The following LRCH3 variants were observed in gnomAD, a reference collection of about 807,000 sequenced individuals.
The protein encoded by LRCH3 is DISP complex protein LRCH3.
In LRCH3, 68 loss-of-function variants were observed where a neutral mutation model predicts 104.5. The observed-to-expected ratio is 0.65, with a 90% CI of 0.54 to 0.80. The LOEUF is 0.80. Among genes scored for constraint, LRCH3 ranks in the 30% least tolerant of loss-of-function variants. The pLI, the probability that LRCH3 is intolerant of heterozygous loss-of-function variation, is 0.00. For missense variants in LRCH3, 951 were observed against 953.9 expected (o/e 1.00, Z 0.04); for synonymous variants, 344 against 361.3 (o/e 0.95, Z 0.54).
At chr3:197,797,893 A>AACAAAAAAAAC (rs1731442806) in intron 1 of LRCH3, among the ~76,000 whole-genome samples, 8 of 146,746 alleles carry the variant, frequency 5.5e-5, no homozygotes, top group African/African-American at 2.1e-4. Context: ...CAAAAAAAAA[A>AACAAAAAAAAC]ACAAAACCAG....
At chr3:197,827,344 A>G (rs998963838) in intron 5 of LRCH3, among the ~76,000 whole-genome samples, 8 of 152,252 alleles carry the variant, frequency 5.3e-5, no homozygotes, top group African/African-American at 1.9e-4. Context: ...CAGGTAAACC[A>G]TAGTGGAAGC....
chr3:197,854,348 G>C lies in LRCH3; in HGVS notation c.1591-44G>C. 1 of 1,536,528 alleles carries C rather than the reference G, an allele frequency of 6.5e-7. No individual in the cohort carries two copies. Among genetic ancestry groups the C allele is most frequent in the South Asian group, 1.1e-5 (1 of 89,604 alleles). On this transcript the variant is annotated intron_variant, in intron 13 of 20. Coordinates refer to ENST00000425562, the MANE Select transcript of LRCH3 (RefSeq NM_001365715.1). The surrounding 1 kb of genome is among the most constrained non-coding windows in gnomAD (Gnocchi z 4.5). ...TTCGTGAAATACGTCACACGTGTGC[G>C]TAGTTTGTTTCTGACATGGCTTCAT... is the stretch of plus-strand genomic sequence containing the variant.
At chr3:197,794,688 G>A (rs1239615002) in intron 1 of LRCH3, among the ~76,000 whole-genome samples, 1 of 152,090 alleles carries the variant, frequency 6.6e-6, no homozygotes, top group Non-Finnish European at 1.5e-5. Context: ...GTTTTCTTGG[G>A]ACTTTCTGTG....
intron 1 of LRCH3, among the ~76,000 whole-genome samples, chr3:197,800,726 C>G (rs1174264367): frequency 6.6e-6 from 1 of 152,116 alleles, no homozygotes; most frequent in Non-Finnish European, 1.5e-5. Flanking sequence ...TAAGACTGTC[C>G]ATAGCATTAT....
chr3:197,851,116 C>A (rs1739536581), intron 12 of LRCH3, among the ~76,000 whole-genome samples: 1 of 152,074 alleles, frequency 6.6e-6, no homozygotes, highest in African/African-American at 2.4e-5. Context: ...GGCTCTGAAG[C>A]CTATTCTGTG....
intron 1 of LRCH3, among the ~76,000 whole-genome samples, chr3:197,814,121 CGTG>C (rs2109180322): frequency 6.6e-6 from 1 of 152,244 alleles, no homozygotes; most frequent in South Asian, 2.1e-4. Context: ...TAAAGACAGA[CGTG>C]AAACTGGGAA....
At chr3:197,863,970 T>C (rs570242122) in intron 15 of LRCH3, among the ~76,000 whole-genome samples, 2 of 152,338 alleles carry the variant, frequency 1.3e-5, no homozygotes, top group East Asian at 3.9e-4. Context: ...TCATTTTTCA[T>C]AGTCTTAGGA....
At chr3:197,871,137 A>G (rs1712135969) in intron 18 of LRCH3, among the ~76,000 whole-genome samples, 188 bp from the exon 19 acceptor site, 1 of 152,102 alleles carries the variant, frequency 6.6e-6, no homozygotes, top group African/African-American at 2.4e-5. Flanking sequence ...TTGTACCACT[A>G]TGCCCTGGCT....
intron 15 of LRCH3, 77 bp downstream of exon 15, chr3:197,858,982 G>A: frequency 2.0e-6 from 2 of 1,014,834 alleles, no homozygotes; most frequent in Non-Finnish European, 3.2e-6. Context: ...TTGGTGAATT[G>A]ATCTAACAAT....
At chr3:197,848,089 G>T in intron 12 of LRCH3, 68 bp downstream of exon 12, 1 of 1,540,922 alleles carries the variant, frequency 6.5e-7, no homozygotes. Context: ...GGTCAGGCCC[G>T]TTGGTTTTTA....
intron 4 of LRCH3, among the ~76,000 whole-genome samples, chr3:197,824,351 C>CTG (rs1560543843): frequency 3.4e-4 from 50 of 145,892 alleles, no homozygotes; most frequent in South Asian, 1.5e-3. Context: ...GCGTGAGCCA[C>CTG]CACGCCCGGC....
intron 17 of LRCH3, among the ~76,000 whole-genome samples, chr3:197,869,259 G>T (rs1440086776): frequency 6.6e-6 from 1 of 151,996 alleles, no homozygotes; most frequent in African/African-American, 2.4e-5. Flanking sequence ...GCGATACACT[G>T]TACCTGCAGG....
intron 1 of LRCH3, among the ~76,000 whole-genome samples, chr3:197,797,216 C>G (rs1460270860): frequency 6.6e-6 from 1 of 150,400 alleles, no homozygotes; most frequent in East Asian, 2.0e-4. Flanking sequence ...GTAATCGCAG[C>G]TACTTGGGAG....
At chr3:197,880,033 C>T (rs1432629811) in intron 20 of LRCH3, among the ~76,000 whole-genome samples, 5 of 150,928 alleles carry the variant, frequency 3.3e-5, no homozygotes, top group African/African-American at 1.2e-4. Flanking sequence ...GCAAGCTCCG[C>T]CTCCCGGGTT....
chr3:197,801,610 G>A (rs1011354040), intron 1 of LRCH3, among the ~76,000 whole-genome samples: 2 of 151,676 alleles, frequency 1.3e-5, no homozygotes, highest in African/African-American at 4.8e-5. Flanking sequence ...CCCCAGTTAG[G>A]CACTTATTGT....
chr3:197,883,037 A>G lies in LRCH3; in HGVS notation c.2209-504A>G. 2 of 985,490 alleles carry G rather than the reference A, an allele frequency of 2.0e-6. No homozygotes were observed. Among genetic ancestry groups the G allele is most frequent in the Non-Finnish European group, 2.4e-6 (2 of 829,962 alleles). The allele number at this position is 985,490 out of a possible 1,614,324, so 61.0% of individuals were successfully genotyped here. A position where few individuals can be genotyped will look rare whatever the true frequency, so the allele number is the denominator to read the frequency against. On this transcript the variant is annotated intron_variant, in intron 20 of 20. Transcript: ENST00000425562. This position sits in a 1 kb window ranked among gnomAD's most constrained non-coding sequence, Gnocchi z 4.2. ...TCTGGAAACCCTGGTTTTCACAGTCAGGATTATAATGCAGATAGCGTAGAA... is the reference window on the plus strand; with the variant it reads ...TCTGGAAACCCTGGTTTTCACAGTCGGGATTATAATGCAGATAGCGTAGAA...
intron 17 of LRCH3, 51 bp from the exon 18 acceptor site, chr3:197,870,109 C>A (rs766999639): frequency 2.5e-6 from 4 of 1,592,300 alleles, no homozygotes; most frequent in East Asian, 2.2e-5. Context: ...GCCGGATGTT[C>A]TCCTAGCACT....
At chr3:197,862,845 A>T (rs1475327881) in intron 15 of LRCH3, among the ~76,000 whole-genome samples, 1 of 152,184 alleles carries the variant, frequency 6.6e-6, no homozygotes, top group African/African-American at 2.4e-5. Context: ...TCCACTTAAG[A>T]TGTGAACACA....
Position 197,830,844 on chromosome 3 carries a change from A to G in LRCH3, c.962A>G (p.Lys321Arg). 1.2e-6 allele frequency: 2 copies of G among 1,613,916 alleles called. No individual in the cohort carries two copies. The highest frequency in any genetic ancestry group is 1.7e-6 in the Non-Finnish European group (2 of 1,179,810). The stretch of plus-strand genomic sequence containing the variant: ...TTCAATAGTGTGGACAGTGGTGATA[A>G]GAGATGGTCAGGGAATGAAGTAAGT... ...SGFNSVDSGD[K>R]RWSGNEPTDE... is the part of the protein sequence containing the mutation. Residue 321 changes from lysine (K) to arginine (R), a missense_variant, in exon 7 of 21, where the codon AAG becomes AGG. Coordinates refer to ENST00000425562, the MANE Select transcript of LRCH3 (RefSeq NM_001365715.1).
Sources: gnomAD v4.1 joint callset for allele counts (sites outside exome capture counted in the v4.1 genomes callset) on GRCh38, gnomAD v4.1.1 for gene constraint, Gnocchi (gnomAD v3.1) non-coding constraint, MANE v1.5 for transcripts, NCBI Gene and HGNC (gene_info 2026-07-23, HGNC 2026-07-21) for gene names.